The following F11 variants were observed in gnomAD, a reference collection of about 807,000 sequenced individuals.
The protein encoded by F11 is coagualtion factor XI.
A neutral mutation model predicts 76.5 loss-of-function variants in F11; 78 were observed. The ratio of observed to expected loss-of-function variants is 1.02; its 90% CI spans 0.85 to 1.23. The LOEUF is 1.23. Ranked by LOEUF, F11 falls within the 50% of genes most tolerant of loss-of-function variation. The pLI is 0.00. For synonymous variants in F11, 278 were observed against 276.3 expected, an observed-to-expected ratio of 1.01 and a Z score of -0.06; for missense variants, 742 against 771.4, an observed-to-expected ratio of 0.96 and a Z score of 0.45.
At position 186,288,524 on chromosome 4, in the gene F11, C is replaced by T. The variant is rs1427203317; in HGVS notation, c.1788C>T (p.Gly596=). The T allele has an allele frequency of 4.3e-6, 7 of 1,614,124 alleles. No individual in the cohort carries two copies. The highest frequency in any genetic ancestry group is 1.1e-5 in the South Asian group (1 of 91,072). The change falls in exon 15 of 15, where the codon GGC becomes GGT. Residue 596 remains glycine (G), a synonymous_variant. Transcript: ENST00000403665. ...ATCTGGTAGGCATCACGAGCTGGGG[C>T]GAAGGCTGTGCTCAAAGGGAGCGGC... The part of the protein sequence containing the change: ...VWHLVGITSW[G]EGCAQRERPG...
chr4:186,271,484 A>C (rs189260621), intron 2 of F11, 125 bp from the exon 3 acceptor site: 32 of 1,085,386 alleles, frequency 2.9e-5, no homozygotes, highest in Non-Finnish European at 4.1e-5. Context: ...TATTGCCTTG[A>C]TTTCCAAATT....
At chr4:186,272,969 G>A in intron 3 of F11, 102 bp from the exon 4 acceptor site, 1 of 763,822 alleles carries the variant, frequency 1.3e-6, no homozygotes, top group Non-Finnish European at 2.2e-6. Flanking sequence ...AGATAAAGTA[G>A]TTTGTTTCCT....
rs762316798 is a variant in F11 at position 186,276,338 on chromosome 4, G to A, written c.703G>A (p.Gly235Ser). Reference protein sequence around the residue: ...VCGRICTHHPGCLFFTFFSQE... With the variant: ...VCGRICTHHPSCLFFTFFSQE... Reference sequence around the variant, plus strand: ...TGGCCGAATCTGCACTCATCATCCCGGTTGCTTGTTTTTTACCTTCTTTTC... The same window carrying A: ...TGGCCGAATCTGCACTCATCATCCCAGTTGCTTGTTTTTTACCTTCTTTTC... Residue 235 changes from glycine (G) to serine (S), a missense_variant, in exon 7 of 15, where the codon GGT (glycine) becomes AGT (serine). Gly to Ser is a moderately conservative substitution (Grantham distance 56, BLOSUM62 0). Coordinates refer to ENST00000403665, the MANE Select transcript of F11 (RefSeq NM_000128.4). 30 of 1,613,866 alleles carry A rather than the reference G, an allele frequency of 1.9e-5. No individual in the cohort carries two copies. The highest frequency in any genetic ancestry group is 2.4e-5 in the Non-Finnish European group (28 of 1,180,006).
chr4:186,276,500 G>A, intron 7 of F11, 110 bp downstream of exon 7: 1 of 1,274,426 alleles, frequency 7.8e-7, no homozygotes, highest in Non-Finnish European at 1.1e-6. Context: ...GTCAGTATAG[G>A]ATAAAAGTTG....
chr4:186,289,956 C>T (rs1487865743), downstream of F11, among the ~76,000 whole-genome samples: 6 of 152,146 alleles, frequency 3.9e-5, no homozygotes, highest in African/African-American at 1.4e-4. Context: ...GCTGGGATTA[C>T]AGGTGTGAGT....
At chr4:186,287,908 T>C in intron 14 of F11, 85 bp downstream of exon 14, 3 of 1,530,152 alleles carry the variant, frequency 2.0e-6, no homozygotes, top group Non-Finnish European at 2.7e-6. Context: ...TTGTTTTTTT[T>C]GTTTGTTTTT....
At chr4:186,272,840 T>C (rs534292707) in intron 3 of F11, 5 of 451,222 alleles carry the variant, frequency 1.1e-5, no homozygotes, top group East Asian at 7.8e-5. Flanking sequence ...AGGTCCTAGT[T>C]GACACATTCC....
Position 186,286,489 on chromosome 4 carries a change from T to C in F11, c.1555T>C (p.Trp519Arg). The change falls in exon 13 of 15, where the codon TGG (tryptophan) becomes CGG (arginine). Residue 519 changes from tryptophan to arginine, a missense_variant. Trp to Arg is a moderately radical substitution (Grantham distance 101). Coordinates refer to ENST00000403665, the MANE Select transcript of F11 (RefSeq NM_000128.4). ...VIYTDCWVTG[W>R]GYRKLRDKIQ... ...ATACACTGATTGCTGGGTGACTGGA[T>C]GGGGGTACAGAAAACTAAGAGGTAA... 1 of 1,613,792 alleles carries C rather than the reference T, an allele frequency of 6.2e-7. No individual in the cohort carries two copies. The highest frequency in any genetic ancestry group is 8.5e-7 in the Non-Finnish European group (1 of 1,179,834).
chr4:186,273,514 G>A (rs1250782513), intron 4 of F11, among the ~76,000 whole-genome samples: 1 of 151,734 alleles, frequency 6.6e-6, no homozygotes, highest in African/African-American at 2.4e-5. Context: ...GTGCAGTGGT[G>A]CAATCACAGC....
In F11 at chr4:186,288,995, G is replaced by T. The variant is rs1741411870; in HGVS notation, c.*381G>T. 1 of 275,824 alleles carries T rather than the reference G, an allele frequency of 3.6e-6. No individual in the cohort carries two copies. The allele number at this position is 275,824 out of a possible 1,614,324, so 17.1% of individuals were successfully genotyped here. ...CCATAAATAGATTTGTTCGATGAAAGATGAAAACTGGAAGAAAGGAGAACA... is the reference window on the plus strand; with the variant it reads ...CCATAAATAGATTTGTTCGATGAAATATGAAAACTGGAAGAAAGGAGAACA... On this transcript the variant is annotated 3_prime_UTR_variant, in exon 15 of 15. Coordinates refer to ENST00000403665, the MANE Select transcript of F11 (RefSeq NM_000128.4).
At chr4:186,275,425 G>C (rs1192670180) in intron 5 of F11, among the ~76,000 whole-genome samples, 1 of 152,178 alleles carries the variant, frequency 6.6e-6, no homozygotes, top group Non-Finnish European at 1.5e-5. Context: ...AACCCAGGAG[G>C]CGGAGGTTGC....
intron 2 of F11, among the ~76,000 whole-genome samples, chr4:186,270,948 T>C (rs1383885350): frequency 6.6e-6 from 1 of 150,910 alleles, no homozygotes. Context: ...TCAAGCAATC[T>C]ACCTACCTTA....
chr4:186,282,305 G>T (rs1281222982), intron 10 of F11: 2 of 985,302 alleles, frequency 2.0e-6, no homozygotes, highest in Non-Finnish European at 2.4e-6. Flanking sequence ...AGGAGAAAAT[G>T]TAAGATAAAG....
At position 186,276,342 on chromosome 4, in the gene F11, G is replaced by A; in HGVS notation, c.707G>A (p.Cys236Tyr). The change falls in exon 7 of 15, where the codon TGC (cysteine) becomes TAC (tyrosine). Residue 236 changes from cysteine (C) to tyrosine (Y), a missense_variant. Coordinates refer to ENST00000403665, the MANE Select transcript of F11 (RefSeq NM_000128.4). ...CGRICTHHPG[C>Y]LFFTFFSQEW... ...CGAATCTGCACTCATCATCCCGGTT[G>A]CTTGTTTTTTACCTTCTTTTCCCAG... 6.2e-7 allele frequency: 1 copy of A among 1,614,032 alleles called. No individual in the cohort carries two copies. The highest frequency in any genetic ancestry group is 8.5e-7 in the Non-Finnish European group (1 of 1,179,990).
chr4:186,277,017 T>C (rs1231381785), intron 7 of F11, among the ~76,000 whole-genome samples: 2 of 152,092 alleles, frequency 1.3e-5, no homozygotes, highest in Non-Finnish European at 2.9e-5. Flanking sequence ...ATAGTATACA[T>C]TATTCCCATT....
At chr4:186,284,985 T>C (rs548398065) in intron 11 of F11, among the ~76,000 whole-genome samples, 2 of 152,264 alleles carry the variant, frequency 1.3e-5, no homozygotes, top group East Asian at 1.9e-4. Flanking sequence ...GAGTTCGGTA[T>C]GCATCCTCAC....
intron 7 of F11, among the ~76,000 whole-genome samples, chr4:186,279,293 A>G (rs1740603735): frequency 6.6e-6 from 1 of 152,136 alleles, no homozygotes; most frequent in South Asian, 2.1e-4. Context: ...GAGGCAGGAG[A>G]ATCACTTGAA....
chr4:186,282,132 G>A, intron 10 of F11: 1 of 1,150,060 alleles, frequency 8.7e-7, no homozygotes. Context: ...TTGCTGTTAA[G>A]TAATGTTGAC....
chr4:186,283,585 G>A (rs1740952924), intron 10 of F11, among the ~76,000 whole-genome samples: 1 of 152,226 alleles, frequency 6.6e-6, no homozygotes, highest in Non-Finnish European at 1.5e-5. Context: ...CTGGGACAGG[G>A]CAGGAACTGG....
Sources: allele counts gnomAD v4.1 joint callset (sites outside exome capture counted in the v4.1 genomes callset), GRCh38; gene constraint gnomAD v4.1.1; transcripts MANE v1.5; gene names NCBI Gene and HGNC (gene_info 2026-07-23, HGNC 2026-07-21).